PTTG1IP: variants seen among roughly 807,000 people sequenced by gnomAD.
PTTG1IP encodes the protein pituitary tumor-transforming gene 1 protein-interacting protein.
Under a neutral mutation model 24.4 loss-of-function variants are expected in PTTG1IP, and 16 were observed. The ratio of observed to expected loss-of-function variants is 0.66; its 90% CI spans 0.44 to 1.00. The LOEUF (loss-of-function observed/expected upper bound fraction) is 1.00. Among genes scored for constraint, PTTG1IP ranks in the 50% least tolerant of loss-of-function variants. The pLI is 0.00. For synonymous variants in PTTG1IP, 89 were observed against 96.8 expected, an observed-to-expected ratio of 0.92 and a Z score of 0.47; for missense variants, 241 against 245.8, an observed-to-expected ratio of 0.98 and a Z score of 0.13.
Position 44,863,421 on chromosome 21 carries a change from C to T in PTTG1IP, c.168+1974G>A, listed in dbSNP as rs556995354. Among the ~76,000 whole-genome samples, 87 of 152,348 alleles carry T rather than the reference C, an allele frequency of 5.7e-4. 1 individual carries two copies. Among genetic ancestry groups the T allele is most frequent in the African/African-American group, 2.0e-3 (82 of 41,578 alleles). On this transcript the variant is annotated intron_variant, in intron 2 of 5. Transcript: ENST00000330938. ...GTGTGCCCAAGAGCACACCCACACA[C>T]GCCTGGAGCTACTGTAGGGCAAGCG...
intron 2 of PTTG1IP, among the ~76,000 whole-genome samples, chr21:44,863,798 G>A (rs1304201395): frequency 2.6e-5 from 4 of 152,204 alleles, no homozygotes; most frequent in African/African-American, 7.2e-5. Flanking sequence ...CAGAAACAGC[G>A]TCTTTCAATT....
chr21:44,855,328 C>T (rs767885413), intron 4 of PTTG1IP, 72 bp from the exon 5 acceptor site: 19 of 1,500,976 alleles, frequency 1.3e-5, no homozygotes, highest in Admixed American at 8.4e-5. Context: ...CACGCCCTTC[C>T]GTGTCCCTCA....
In PTTG1IP at chr21:44,851,518, G is replaced by A. The variant is rs1341172348; in HGVS notation, c.*63C>T. 1 of 1,613,818 alleles carries A rather than the reference G, an allele frequency of 6.2e-7. No homozygotes were observed. Among genetic ancestry groups the A allele is most frequent in the African/African-American group, 1.3e-5 (1 of 74,948 alleles). ...ACCGCAATGGCCACGTGGTCTCCCG[G>A]CTGGGCTGGGCTGCGGAGCGTGCAC... is the stretch of plus-strand genomic sequence containing the variant. On this transcript the variant is annotated 3_prime_UTR_variant, in exon 6 of 6. Transcript: ENST00000330938.
At chr21:44,861,311 G>T in intron 2 of PTTG1IP, 40 bp from the exon 3 acceptor site, 1 of 1,554,192 alleles carries the variant, frequency 6.4e-7, no homozygotes, top group South Asian at 1.1e-5. Context: ...AGAAACAACA[G>T]AAAAACCAAA....
chr21:44,849,753 G>A lies in PTTG1IP; in HGVS notation c.*1828C>T, dbSNP rs964074169. On this transcript the variant is annotated 3_prime_UTR_variant, in exon 6 of 6. Coordinates refer to ENST00000330938, the MANE Select transcript of PTTG1IP (RefSeq NM_004339.4). ...CCTTACAGACGTGGGTTTCTACACT[G>A]AGCGCAAGGGCTGACTACGCTGTAT... is the stretch of plus-strand genomic sequence containing the variant. 3.3e-5 allele frequency: 5 copies of A among 152,412 alleles called. No individual in the cohort carries two copies. The highest frequency in any genetic ancestry group is 1.3e-4 in the Admixed American group (2 of 15,278). The allele number at this position is 152,412 out of a possible 1,614,324, so 9.4% of individuals were successfully genotyped here.
intron 1 of PTTG1IP, among the ~76,000 whole-genome samples, chr21:44,873,258 G>A (rs750299589): frequency 1.6e-4 from 24 of 152,324 alleles, no homozygotes; most frequent in Non-Finnish European, 3.1e-4. Context: ...GCAGCGACTG[G>A]ACAAAACAAA....
chr21:44,861,398 CT>C (rs2083490816), intron 2 of PTTG1IP, 127 bp from the exon 3 acceptor site: 14 of 745,848 alleles, frequency 1.9e-5, no homozygotes, highest in Non-Finnish European at 2.2e-5. Flanking sequence ...CAACCTCCCC[CT>C]CAACGCCTCA....
At chr21:44,861,886 T>C (rs1055650008) in intron 2 of PTTG1IP, 1 of 716,382 alleles carries the variant, frequency 1.4e-6, no homozygotes. Flanking sequence ...ATGGTCACCA[T>C]CTGTAGCAAG....
rs235281 is a variant in PTTG1IP, at chr21:44,863,954, C to T, written c.168+1441G>A. Among the ~76,000 whole-genome samples the T allele has an allele frequency of 6.2e-3, 935 of 151,310 alleles. 10 individuals carry two copies. Among genetic ancestry groups the T allele is most frequent in the Admixed American group, 0.014 (219 of 15,242 alleles). ...TAGAAATCATCGAATACATCTTTCCCGGCCTCCTCAAACCTACGCTACGGT... is the reference window on the plus strand; with the variant it reads ...TAGAAATCATCGAATACATCTTTCCTGGCCTCCTCAAACCTACGCTACGGT... On this transcript the variant is annotated intron_variant, in intron 2 of 5. Coordinates refer to ENST00000330938, the MANE Select transcript of PTTG1IP (RefSeq NM_004339.4).
intron 3 of PTTG1IP, among the ~76,000 whole-genome samples, chr21:44,858,452 C>T (rs894645268): frequency 6.6e-6 from 1 of 152,226 alleles, no homozygotes; most frequent in African/African-American, 2.4e-5. Flanking sequence ...ACAGCCTCTT[C>T]CTCCTCCCGG....
chr21:44,855,896 C>T (rs370467834), intron 4 of PTTG1IP, among the ~76,000 whole-genome samples: 117 of 152,270 alleles, frequency 7.7e-4, no homozygotes, highest in African/African-American at 2.4e-3. Flanking sequence ...TGGGCCTGGA[C>T]GAGCCGCCTT....
At chr21:44,865,017 G>C (rs170960) in intron 2 of PTTG1IP, among the ~76,000 whole-genome samples, 102,691 of 152,068 alleles carry the variant, frequency 0.68, 35,084 homozygotes, top group East Asian at 0.81. Flanking sequence ...GTGAGCAGCT[G>C]AGAAAGCAGT....
intron 1 of PTTG1IP, among the ~76,000 whole-genome samples, chr21:44,868,525 G>A (rs556121542): frequency 2.0e-5 from 3 of 152,276 alleles, no homozygotes; most frequent in African/African-American, 7.2e-5. Flanking sequence ...AGTGTGCAGT[G>A]CCCGAGAGTG....
rs761076398 is a variant in PTTG1IP, at chr21:44,866,374, A to AACACAC, written c.116-933_116-928dup. The stretch of plus-strand genomic sequence containing the variant: ...CACAGACTGCCTACTCCAATCCCAT[A>AACACAC]ACACACACACACACACACACACACA... On this transcript the variant is annotated intron_variant, in intron 1 of 5. Transcript: ENST00000330938. Among the ~76,000 whole-genome samples the AACACAC allele has an allele frequency of 2.9e-3, 128 of 44,756 alleles. 23 individuals carry two copies. Among genetic ancestry groups the AACACAC allele is most frequent in the African/African-American group, 0.014 (68 of 4,712 alleles). 29.4% of individuals were successfully genotyped at this position (44,756 alleles called of 152,430 possible).
At chr21:44,853,439 C>CTG (rs2083425367) in intron 5 of PTTG1IP, among the ~76,000 whole-genome samples, 1 of 146,892 alleles carries the variant, frequency 6.8e-6, no homozygotes, top group Non-Finnish European at 1.5e-5. Context: ...ACCTGGGAGG[C>CTG]AGAGCTTGCA....
intron 1 of PTTG1IP, among the ~76,000 whole-genome samples, chr21:44,866,525 C>T (rs1463970889): frequency 2.3e-5 from 3 of 132,966 alleles, no homozygotes; most frequent in East Asian, 2.2e-4. Flanking sequence ...CCGTAACACA[C>T]ACGCAGACTG....
chr21:44,865,542 G>A, intron 1 of PTTG1IP, 95 bp from the exon 2 acceptor site: 1 of 1,257,532 alleles, frequency 8.0e-7, no homozygotes, highest in South Asian at 1.2e-5. Context: ...TGAGGGGTGT[G>A]GCACCAAGAA....
intron 1 of PTTG1IP, among the ~76,000 whole-genome samples, chr21:44,872,621 C>G (rs1288879199): frequency 6.6e-6 from 1 of 152,166 alleles, no homozygotes; most frequent in Non-Finnish European, 1.5e-5. Flanking sequence ...CCGCAGCCCA[C>G]CAGGCCCTGG....
rs1387941614 is a variant in PTTG1IP, at chr21:44,851,191, T to C, written c.*390A>G. The C allele has an allele frequency of 8.9e-6, 7 of 784,556 alleles. No homozygotes were observed. The highest frequency in any genetic ancestry group is 3.8e-4 in the Middle Eastern group (1 of 2,622). The allele number at this position is 784,556 out of a possible 1,614,324, so 48.6% of individuals were successfully genotyped here. A position where few individuals can be genotyped will look rare whatever the true frequency, so the allele number is the denominator to read the frequency against. ...GACAAAAGTCAAACCGACTTCCCTGTGTTGCGTGTGAAGCTTGTTAGTGGA... is the reference window on the plus strand; with the variant it reads ...GACAAAAGTCAAACCGACTTCCCTGCGTTGCGTGTGAAGCTTGTTAGTGGA... On this transcript the variant is annotated 3_prime_UTR_variant, in exon 6 of 6. Coordinates refer to ENST00000330938, the MANE Select transcript of PTTG1IP (RefSeq NM_004339.4).
Sources: gnomAD v4.1 joint callset for allele counts (sites outside exome capture counted in the v4.1 genomes callset) on GRCh38, gnomAD v4.1.1 for gene constraint, MANE v1.5 for transcripts, NCBI Gene and HGNC (gene_info 2026-07-23, HGNC 2026-07-21) for gene names.